PRR16: variants seen among roughly 807,000 people sequenced by gnomAD.
The protein encoded by PRR16 is protein Largen.
PRR16 carries 6 observed loss-of-function variants against 18.2 expected under a neutral mutation model. That is an observed-to-expected ratio of 0.33 (90% CI 0.18 to 0.65). PRR16 has a LOEUF of 0.65. Among genes scored for constraint, PRR16 ranks in the 30% least tolerant of loss-of-function variants. PRR16 has a pLI of 0.74. For missense variants in PRR16, 412 were observed against 376.6 expected (o/e 1.09, Z -0.78); for synonymous variants, 151 against 147.8 (o/e 1.02, Z -0.16).
the PRR16 span, among the ~76,000 whole-genome samples, chr5:120,738,714 T>C: frequency 6.6e-6 from 1 of 152,184 alleles, no homozygotes; most frequent in Admixed American, 6.5e-5. Context: ...TAGGTGCATT[T>C]GTGTACCGAC....
chr5:120,611,026 A>G (rs1020327161), intron 1 of PRR16, among the ~76,000 whole-genome samples: 5 of 152,156 alleles, frequency 3.3e-5, no homozygotes, highest in Non-Finnish European at 4.4e-5. Context: ...TGGAGATGAG[A>G]AATTTGCTGA....
chr5:120,590,380 G>C (rs1424593792), intron 1 of PRR16, among the ~76,000 whole-genome samples: 1 of 152,080 alleles, frequency 6.6e-6, no homozygotes, highest in Non-Finnish European at 1.5e-5. Flanking sequence ...AAATTTGGGG[G>C]AAGTTTGCTG....
At chr5:120,486,679 T>C (rs1749812221) in intron 1 of PRR16, among the ~76,000 whole-genome samples, 2 of 152,204 alleles carry the variant, frequency 1.3e-5, no homozygotes, top group African/African-American at 4.8e-5. Flanking sequence ...TTTTGTCTTT[T>C]GTTGCCATTG....
the PRR16 span, among the ~76,000 whole-genome samples, chr5:120,781,971 G>A: frequency 4.7e-5 from 7 of 148,770 alleles, no homozygotes; most frequent in African/African-American, 1.8e-4. Context: ...TTAACAAGTG[G>A]GTATTTGTAA....
intron 1 of PRR16, among the ~76,000 whole-genome samples, chr5:120,600,329 A>G (rs188921954): frequency 5.9e-5 from 9 of 151,990 alleles, no homozygotes; most frequent in Admixed American, 6.6e-5. Flanking sequence ...TTAAACTGAT[A>G]CAATATGTAT....
chr5:120,610,474 T>G (rs1482224743), intron 1 of PRR16, among the ~76,000 whole-genome samples: 2 of 152,048 alleles, frequency 1.3e-5, no homozygotes, highest in Non-Finnish European at 2.9e-5. Flanking sequence ...TATCTCAACT[T>G]GAGTTACATG....
At chr5:120,774,369 T>C in the PRR16 span, among the ~76,000 whole-genome samples, 1 of 152,176 alleles carries the variant, frequency 6.6e-6, no homozygotes, top group Non-Finnish European at 1.5e-5. Context: ...GAAAATTTTC[T>C]CATGAATTTT....
At chr5:120,768,070 A>G in the PRR16 span, among the ~76,000 whole-genome samples, 1 of 151,890 alleles carries the variant, frequency 6.6e-6, no homozygotes, top group African/African-American at 2.4e-5. Flanking sequence ...GTTAATTCTC[A>G]TCCACCTACT....
At chr5:120,509,961 C>G (rs2112855455) in intron 1 of PRR16, among the ~76,000 whole-genome samples, 1 of 152,194 alleles carries the variant, frequency 6.6e-6, no homozygotes, top group South Asian at 2.1e-4. Flanking sequence ...AACTGATTCC[C>G]TATTCAGTAT....
At chr5:120,698,290 G>A in the PRR16 span, among the ~76,000 whole-genome samples, 3 of 152,066 alleles carry the variant, frequency 2.0e-5, no homozygotes, top group Non-Finnish European at 2.9e-5. Flanking sequence ...GTGATGGCCT[G>A]GATACAGTTT....
At chr5:120,637,974 C>T (rs1266456771) in intron 1 of PRR16, among the ~76,000 whole-genome samples, 1 of 152,112 alleles carries the variant, frequency 6.6e-6, no homozygotes, top group Non-Finnish European at 1.5e-5. Flanking sequence ...AGAAATGTTT[C>T]AGACTTCAGA....
chr5:120,543,895 A>T (rs1751994450), intron 1 of PRR16, among the ~76,000 whole-genome samples: 1 of 152,140 alleles, frequency 6.6e-6, no homozygotes, highest in Non-Finnish European at 1.5e-5. Flanking sequence ...TCATCTGTGA[A>T]ATGAAAAGTT....
At chr5:120,467,571 G>A (rs1419578446) in intron 1 of PRR16, among the ~76,000 whole-genome samples, 1 of 152,080 alleles carries the variant, frequency 6.6e-6, no homozygotes, top group African/African-American at 2.4e-5. Context: ...GAAAACTCAG[G>A]TAGTAGGATA....
intron 1 of PRR16, among the ~76,000 whole-genome samples, chr5:120,664,354 A>C (rs1041568103): frequency 6.6e-6 from 1 of 151,948 alleles, no homozygotes; most frequent in Non-Finnish European, 1.5e-5. Flanking sequence ...TCGTGCTGCA[A>C]TCCTGGGAAG....
At chr5:120,717,996 T>C in the PRR16 span, among the ~76,000 whole-genome samples, 1 of 152,166 alleles carries the variant, frequency 6.6e-6, no homozygotes, top group East Asian at 1.9e-4. Context: ...TAAAAATTTA[T>C]TGTTAATAAT....
chr5:120,687,496 A>T (rs1561618107), downstream of PRR16, among the ~76,000 whole-genome samples: 1 of 152,170 alleles, frequency 6.6e-6, no homozygotes, highest in Admixed American at 6.6e-5. Context: ...TTATACTTCC[A>T]TTTGGTACTT....
chr5:120,669,246 A>T (rs1756506089), intron 1 of PRR16, among the ~76,000 whole-genome samples: 1 of 152,114 alleles, frequency 6.6e-6, no homozygotes, highest in South Asian at 2.1e-4. Flanking sequence ...TAAATTTCAC[A>T]TAAAAATTGT....
At chr5:120,669,243 C>T (rs530270964) in intron 1 of PRR16, among the ~76,000 whole-genome samples, 47 of 152,126 alleles carry the variant, frequency 3.1e-4, no homozygotes, top group Admixed American at 1.8e-3. Flanking sequence ...CTGTAAATTT[C>T]ACATAAAAAT....
At chr5:120,625,709 C>A (rs2112829654) in intron 1 of PRR16, among the ~76,000 whole-genome samples, 1 of 152,252 alleles carries the variant, frequency 6.6e-6, no homozygotes, top group African/African-American at 2.4e-5. Context: ...CCATGTTAAT[C>A]AAGAGTGAGG....
Sources: gnomAD v4.1 joint callset for allele counts (sites outside exome capture counted in the v4.1 genomes callset) on GRCh38, gnomAD v4.1.1 for gene constraint, MANE v1.5 for transcripts, NCBI Gene and HGNC (gene_info 2026-07-23, HGNC 2026-07-21) for gene names.